The following DST variants were observed in gnomAD, a reference collection of about 807,000 sequenced individuals.
DST encodes the protein dystonin, also known as bullous pemphigoid antigen.
In DST, 253 loss-of-function variants were observed where a neutral mutation model predicts 875.2. The ratio of observed to expected loss-of-function variants is 0.29; its 90% confidence interval spans 0.26 to 0.32. DST has a LOEUF of 0.32. DST is among the 10% of genes least tolerant of loss of function. The pLI is 1.00. For missense variants in DST, 8,287 were observed against 9,111.6 expected, an observed-to-expected ratio of 0.91 and a Z score of 3.68; for synonymous variants, 3,124 against 3,197.1, an observed-to-expected ratio of 0.98 and a Z score of 0.77.
chr6:56,889,469 A>G (rs1786269372), intron 3 of DST, among the ~76,000 whole-genome samples: 2 of 152,232 alleles, frequency 1.3e-5, no homozygotes, highest in East Asian at 3.8e-4. Flanking sequence ...CAAAAGTAAG[A>G]AAACAGGTGC....
At chr6:56,898,261 C>T (rs938715194) in intron 3 of DST, among the ~76,000 whole-genome samples, 1 of 152,080 alleles carries the variant, frequency 6.6e-6, no homozygotes, top group Admixed American at 6.5e-5. Flanking sequence ...CTGACCTATC[C>T]GAGCATGAGT....
chr6:56,656,718 G>C (rs1249177525), intron 10 of DST, among the ~76,000 whole-genome samples: 2 of 152,162 alleles, frequency 1.3e-5, no homozygotes, highest in Non-Finnish European at 2.9e-5. Flanking sequence ...ATCATAAACT[G>C]AGAACTAACT....
In DST at chr6:56,624,637, A is replaced by G. The variant is rs756947109; in HGVS notation, c.4831-9T>C. Reference sequence around the variant, plus strand: ...GTCCTTAGGTCCATGAACTGCAAGTAAGGAAAAAAATAATAAAAGCATTAC... The same window carrying G: ...GTCCTTAGGTCCATGAACTGCAAGTGAGGAAAAAAATAATAAAAGCATTAC... On this transcript the variant is annotated splice_polypyrimidine_tract_variant and intron_variant, in intron 35 of 103. Coordinates refer to ENST00000680361, the MANE Select transcript of DST (RefSeq NM_001374736.1). 6.4e-6 allele frequency: 10 copies of G among 1,567,036 alleles called. No individual in the cohort carries two copies. In the East Asian group the frequency reaches 1.8e-4, roughly 28 times the overall value.
At chr6:56,691,691 G>A (rs538467145) in intron 9 of DST, among the ~76,000 whole-genome samples, 5 of 152,162 alleles carry the variant, frequency 3.3e-5, no homozygotes, top group African/African-American at 1.2e-4. Flanking sequence ...CCCCAGATAA[G>A]TAACTTGTCT....
chr6:56,763,641 C>G (rs1450827879), intron 4 of DST, among the ~76,000 whole-genome samples: 1 of 149,106 alleles, frequency 6.7e-6, no homozygotes, highest in Non-Finnish European at 1.5e-5. Flanking sequence ...CACTGCGCTC[C>G]AGCCGACAGA....
intron 88 of DST, chr6:56,484,243 C>T (rs983614507): frequency 1.3e-5 from 2 of 152,152 alleles, no homozygotes; most frequent in African/African-American, 4.8e-5. Flanking sequence ...ATTAACCATA[C>T]ACAAAACATT....
At chr6:56,766,519 C>T (rs561599453) in intron 4 of DST, among the ~76,000 whole-genome samples, 19 of 150,386 alleles carry the variant, frequency 1.3e-4, no homozygotes, top group South Asian at 1.1e-3. Context: ...GCAATTGCTG[C>T]GGTATCTTTT....
intron 4 of DST, among the ~76,000 whole-genome samples, chr6:56,808,447 G>A (rs80274536): frequency 6.6e-6 from 1 of 151,952 alleles, no homozygotes; most frequent in African/African-American, 2.4e-5. Context: ...TTAATGCAGT[G>A]GGAAAAAAAT....
At chr6:56,481,925 T>C in intron 90 of DST, 125 bp downstream of exon 90, 1 of 1,042,886 alleles carries the variant, frequency 9.6e-7, no homozygotes, top group Non-Finnish European at 1.4e-6. Flanking sequence ...CTCTCAAATG[T>C]ATCAGGTGTT....
intron 3 of DST, among the ~76,000 whole-genome samples, chr6:56,893,340 T>C (rs1788556839): frequency 6.6e-6 from 1 of 152,230 alleles, no homozygotes; most frequent in South Asian, 2.1e-4. Context: ...AATTCATTCC[T>C]TTTTATGGCT....
chr6:56,735,808 T>C (rs756253950), intron 4 of DST, among the ~76,000 whole-genome samples: 10 of 152,246 alleles, frequency 6.6e-5, no homozygotes, highest in Non-Finnish European at 1.5e-4. Context: ...AAGTAGACTC[T>C]GGCTGAACAT....
intron 87 of DST, among the ~76,000 whole-genome samples, chr6:56,485,988 TG>T (rs1201828645): frequency 6.6e-6 from 1 of 152,158 alleles, no homozygotes; most frequent in Non-Finnish European, 1.5e-5. Flanking sequence ...TTTATTTTTT[TG>T]TCTTTTCAAA....
chr6:56,464,265 T>C (rs572553018), intron 100 of DST: 24 of 269,704 alleles, frequency 8.9e-5, no homozygotes, highest in Non-Finnish European at 1.2e-4. Context: ...TTGTTAGTCA[T>C]GATGACAACA....
chr6:56,905,122 C>T (rs896559790), intron 2 of DST, among the ~76,000 whole-genome samples: 1 of 152,142 alleles, frequency 6.6e-6, no homozygotes, highest in African/African-American at 2.4e-5. Context: ...AGGTGATGGA[C>T]ACTTGGAAGC....
rs1374464514 is a variant in DST, at chr6:56,607,150, A to G, written c.7478T>C (p.Ile2493Thr). ...GEKFQDQFLG[I>T]AAINISLPGE... Reference sequence around the variant, plus strand: ...TGGTAAACTGATGTTAATAGCTGCAATTCCCAGAAACTGGTCTTGAAATTT... The same window carrying G: ...TGGTAAACTGATGTTAATAGCTGCAGTTCCCAGAAACTGGTCTTGAAATTT... The change falls in exon 40 of 104, where the codon ATT becomes ACT. Residue 2493 changes from isoleucine to threonine, a missense_variant. Ile to Thr is a moderately conservative substitution (Grantham distance 89). Around this residue, in one of 10 missense-constraint regions of DST, gnomAD observed 3,138 missense variants for 3,116.6 expected, o/e 1.01. Transcript: ENST00000680361. The G allele has an allele frequency of 4.3e-6, 7 of 1,613,380 alleles. No individual in the cohort carries two copies. Among genetic ancestry groups the G allele is most frequent in the South Asian group, 1.1e-5 (1 of 91,064 alleles).
At chr6:56,856,595 A>C (rs1214296084) in intron 3 of DST, among the ~76,000 whole-genome samples, 5 of 152,202 alleles carry the variant, frequency 3.3e-5, no homozygotes, top group Admixed American at 1.3e-4. Flanking sequence ...TGAAACATAC[A>C]CACTCAAAAA....
Position 56,645,889 on chromosome 6 carries a change from C to G in DST, c.1755G>C (p.Lys585Asn). ...ACCTTTCTACTTCTGGACGAAGGGC[C>G]TTCTCTCTCTCTAGCATGGCAATAA... The part of the protein sequence containing the change: ...KLIIAMLERE[K>N]ALRPEVERLE... The change falls in exon 15 of 104, where the codon AAG (lysine) becomes AAC (asparagine). Residue 585 changes from lysine (K) to asparagine (N), a missense_variant. By Grantham distance (94) the Lys-to-Asn change is moderately conservative (BLOSUM62 0). Transcript: ENST00000680361. The G allele has an allele frequency of 6.8e-6, 11 of 1,613,742 alleles. No homozygotes were observed. The highest frequency in any genetic ancestry group is 9.3e-6 in the Non-Finnish European group (11 of 1,179,754).
chr6:56,515,411 T>C (rs1162537963), intron 72 of DST, 39 bp downstream of exon 72: 1 of 1,599,732 alleles, frequency 6.3e-7, no homozygotes, highest in Non-Finnish European at 8.5e-7. Flanking sequence ...GATTCTCTTT[T>C]AATGGGGAAT....
chr6:56,787,862 G>C (rs1241092621), intron 4 of DST, among the ~76,000 whole-genome samples: 1 of 151,956 alleles, frequency 6.6e-6, no homozygotes, highest in South Asian at 2.1e-4. Flanking sequence ...TTTGAGGCTG[G>C]GTGTGGTGGC....
Sources: allele counts gnomAD v4.1 joint callset (sites outside exome capture counted in the v4.1 genomes callset), GRCh38; gene constraint gnomAD v4.1.1; regional missense constraint gnomAD v4.1.1; transcripts MANE v1.5; gene names NCBI Gene and HGNC (gene_info 2026-07-23, HGNC 2026-07-21).